The following PROZ variants were observed in gnomAD, a reference collection of about 807,000 sequenced individuals.
PROZ encodes the protein vitamin K-dependent protein Z.
Under a neutral mutation model 34.9 loss-of-function variants are expected in PROZ, and 46 were observed. The observed-to-expected ratio is 1.32, with a 90% CI of 1.04 to 1.69. The LOEUF (loss-of-function observed/expected upper bound fraction) is 1.69, where lower values mean the gene tolerates loss of function less well. Ranked by LOEUF, PROZ falls within the 40% of genes most tolerant of loss-of-function variation. PROZ has a pLI of 0.00. For synonymous variants in PROZ, 195 were observed against 208.5 expected (o/e 0.94, Z 0.56); for missense variants, 530 against 520.4 (o/e 1.02, Z -0.18).
intron 6 of PROZ, among the ~76,000 whole-genome samples, chr13:113,167,796 G>A (rs1015909210): frequency 3.3e-5 from 5 of 149,488 alleles, no homozygotes; most frequent in African/African-American, 4.9e-5. Flanking sequence ...TGTAATTGTC[G>A]ATATGTTTAC....
chr13:113,159,357 C>T lies in PROZ; in HGVS notation c.70+627C>T, dbSNP rs2036720974. ...TGAGAGGGTGATCCCCCCGCCCTGCCCTGCCCAGCACTTACCGTAGCCGGA... is the reference window on the plus strand; with the variant it reads ...TGAGAGGGTGATCCCCCCGCCCTGCTCTGCCCAGCACTTACCGTAGCCGGA... On this transcript the variant is annotated intron_variant, in intron 1 of 7. Coordinates refer to ENST00000375547, the MANE Select transcript of PROZ (RefSeq NM_003891.3). This position sits in a 1 kb window ranked among gnomAD's most constrained non-coding sequence, Gnocchi z 4.6. The T allele has an allele frequency of 6.7e-6, 9 of 1,338,824 alleles. No individual in the cohort carries two copies. The Admixed American group carries it at 1.8e-4, about 27-fold the overall frequency. The allele number at this position is 1,338,824 out of a possible 1,614,324, so 82.9% of individuals were successfully genotyped here.
At position 113,163,494 on chromosome 13, in the gene PROZ, G is replaced by A. The variant is rs140438150; in HGVS notation, c.373+372G>A. ...TGCAGACAGGGAAGACGCAAAGCAC[G>A]TAAACAAATATCCTTAAATACCCGC... On this transcript the variant is annotated intron_variant, in intron 4 of 7. Coordinates refer to ENST00000375547, the MANE Select transcript of PROZ (RefSeq NM_003891.3). Among the ~76,000 whole-genome samples the A allele has an allele frequency of 1.1e-4, 16 of 152,268 alleles. No individual in the cohort carries two copies. In the East Asian group the frequency reaches 2.5e-3, roughly 24 times the overall value.
intron 6 of PROZ, among the ~76,000 whole-genome samples, chr13:113,166,636 G>A (rs963997361): frequency 7.2e-5 from 11 of 152,230 alleles, no homozygotes; most frequent in African/African-American, 2.7e-4. Context: ...GGAAGGCGGG[G>A]ATGGAAGCGG....
At chr13:113,168,275 A>G (rs511022) in intron 6 of PROZ, among the ~76,000 whole-genome samples, 140,141 of 152,218 alleles carry the variant, frequency 0.92, 65,601 homozygotes, top group East Asian at 1. Context: ...GCTTTGTGTA[A>G]ATCCAGGCCT....
rs1488281203 is a variant in PROZ, at chr13:113,159,914, C to CGGGGCT, written c.71-91_71-86dup. 29 of 1,432,118 alleles carry CGGGGCT rather than the reference C, an allele frequency of 2.0e-5. No individual in the cohort carries two copies. In the African/African-American group the frequency reaches 2.4e-4, roughly 12 times the overall value. The allele number at this position is 1,432,118 out of a possible 1,614,324, so 88.7% of individuals were successfully genotyped here. ...CAGGCTGAGAGCCTGTGGAGACGGA[C>CGGGGCT]GGGGCTGGGGCTGGCGGCCGGCCGG... On this transcript the variant is annotated intron_variant, in intron 1 of 7. Transcript: ENST00000375547. The surrounding 1 kb of genome is among the most constrained non-coding windows in gnomAD (Gnocchi z 4.6).
intron 6 of PROZ, among the ~76,000 whole-genome samples, chr13:113,165,674 G>C (rs1248213342): frequency 3.3e-5 from 5 of 152,158 alleles, no homozygotes; most frequent in Non-Finnish European, 7.3e-5. Context: ...GGGATTACAG[G>C]AATGTGCCAC....
At position 113,158,974 on chromosome 13, in the gene PROZ, G is replaced by C. The variant is rs2036710195; in HGVS notation, c.70+244G>C. On this transcript the variant is annotated intron_variant, in intron 1 of 7. Coordinates refer to ENST00000375547, the MANE Select transcript of PROZ (RefSeq NM_003891.3). This position sits in a 1 kb window ranked among gnomAD's most constrained non-coding sequence, Gnocchi z 4.3. ...AATGGAAAGAAGCCTGTGTGCAGGG[G>C]ATTCAGCCGGGAAAGGCCGGGGAGA... Among the ~76,000 whole-genome samples the C allele has an allele frequency of 7.0e-6, 1 of 143,154 alleles. No individual in the cohort carries two copies. The highest frequency in any genetic ancestry group is 7.0e-5 in the Admixed American group (1 of 14,256). The allele number at this position is 143,154 out of a possible 152,430, so 93.9% of individuals were successfully genotyped here.
At chr13:113,161,049 C>T (rs1029195078) in intron 3 of PROZ, 77 bp downstream of exon 3, 8 of 1,299,226 alleles carry the variant, frequency 6.2e-6, no homozygotes, top group South Asian at 2.4e-5. Flanking sequence ...GGACGCTTCA[C>T]GACCCCAGCT....
Position 113,159,239 on chromosome 13 carries a change from T to C in PROZ, c.70+509T>C, listed in dbSNP as rs1343129799. The C allele has an allele frequency of 3.2e-6, 5 of 1,549,156 alleles. No individual in the cohort carries two copies. The highest frequency in any genetic ancestry group is 3.5e-6 in the Non-Finnish European group (4 of 1,145,442). On this transcript the variant is annotated intron_variant, in intron 1 of 7. Transcript: ENST00000375547. This position sits in a 1 kb window ranked among gnomAD's most constrained non-coding sequence, Gnocchi z 4.6. ...AACGACATGGACTCCATTCTGACTC[T>C]GCCTGCACAGGCGTCCAGGAAAGCT... is the stretch of plus-strand genomic sequence containing the variant.
rs753095291 is a variant in PROZ, at chr13:113,171,568, G to A, written c.692-26G>A. 3.7e-6 allele frequency: 6 copies of A among 1,613,752 alleles called. No homozygotes were observed. The highest frequency in any genetic ancestry group is 1.7e-5 in the Admixed American group (1 of 60,002). ...GTCCCCTTGAAAATCAGACTGTAAA[G>A]AACTGACGATTGTTCATGATTTCAG... On this transcript the variant is annotated intron_variant, in intron 7 of 7. Coordinates refer to ENST00000375547, the MANE Select transcript of PROZ (RefSeq NM_003891.3). This position sits in a 1 kb window ranked among gnomAD's most constrained non-coding sequence, Gnocchi z 5.1.
chr13:113,159,363 C>A lies in PROZ; in HGVS notation c.70+633C>A. On this transcript the variant is annotated intron_variant, in intron 1 of 7. Coordinates refer to ENST00000375547, the MANE Select transcript of PROZ (RefSeq NM_003891.3). The surrounding 1 kb of genome is among the most constrained non-coding windows in gnomAD (Gnocchi z 4.6). Reference sequence around the variant, plus strand: ...GGTGATCCCCCCGCCCTGCCCTGCCCAGCACTTACCGTAGCCGGACTTAGC... The same window carrying A: ...GGTGATCCCCCCGCCCTGCCCTGCCAAGCACTTACCGTAGCCGGACTTAGC... 7.8e-7 allele frequency: 1 copy of A among 1,284,728 alleles called. No individual in the cohort carries two copies. The highest frequency in any genetic ancestry group is 1.1e-6 in the Non-Finnish European group (1 of 912,368). The allele number at this position is 1,284,728 out of a possible 1,614,324, so 79.6% of individuals were successfully genotyped here.
chr13:113,164,526 T>A lies in PROZ; in HGVS notation c.387T>A (p.Cys129Ter). The change falls in exon 5 of 8, where the codon TGT becomes TGA. Residue 129 changes from cysteine to a stop codon, truncating the protein, a stop_gained. Transcript: ENST00000375547. LOFTEE classifies it high-confidence loss of function. ...TTTCCTTTTCAGCTAAAAATGAATG[T>A]CACCCAGAGCGGACTGATGGGTGTC... ...GSNCELAKNE[C>*]HPERTDGCQH... 5 of 1,613,322 alleles carry A rather than the reference T, an allele frequency of 3.1e-6. No homozygotes were observed. The highest frequency in any genetic ancestry group is 4.2e-6 in the Non-Finnish European group (5 of 1,179,940).
intron 4 of PROZ, among the ~76,000 whole-genome samples, chr13:113,164,256 G>A (rs906475150): frequency 3.8e-4 from 58 of 152,178 alleles, no homozygotes; most frequent in Non-Finnish European, 5.7e-4. Flanking sequence ...GGGATTACAG[G>A]CATGAGCCAC....
chr13:113,164,391 AG>A, intron 4 of PROZ, 121 bp from the exon 5 acceptor site: 1 of 1,129,942 alleles, frequency 8.9e-7, no homozygotes, highest in South Asian at 1.3e-5. Flanking sequence ...CCAACACACC[AG>A]AACTCTTGTG....
Position 113,159,212 on chromosome 13 carries a change from G to A in PROZ, c.70+482G>A. 1 of 1,546,434 alleles carries A rather than the reference G, an allele frequency of 6.5e-7. No homozygotes were observed. The highest frequency in any genetic ancestry group is 8.7e-7 in the Non-Finnish European group (1 of 1,142,962). On this transcript the variant is annotated intron_variant, in intron 1 of 7. Transcript: ENST00000375547. The surrounding 1 kb of genome is among the most constrained non-coding windows in gnomAD (Gnocchi z 4.6). ...TTCTACCACCAGCCACTTCACTGAA[G>A]GAACGACATGGACTCCATTCTGACT...
In PROZ at chr13:113,172,335, A is replaced by C. The variant is rs925289832; in HGVS notation, c.*230A>C. 18 of 583,294 alleles carry C rather than the reference A, an allele frequency of 3.1e-5. No individual in the cohort carries two copies. Among genetic ancestry groups the C allele is most frequent in the Non-Finnish European group, 4.9e-5 (16 of 328,894 alleles). The allele number at this position is 583,294 out of a possible 1,614,324, so 36.1% of individuals were successfully genotyped here. On this transcript the variant is annotated 3_prime_UTR_variant, in exon 8 of 8. Coordinates refer to ENST00000375547, the MANE Select transcript of PROZ (RefSeq NM_003891.3). ...TATCTCAATAGAGACCTTAAAAGAA[A>C]ACATGAGATACGTTAAATAATAAAA...
At chr13:113,163,167 G>A (rs2036796500) in intron 4 of PROZ, 45 bp downstream of exon 4, 16 of 1,456,362 alleles carry the variant, frequency 1.1e-5, no homozygotes, top group Non-Finnish European at 1.4e-5. Context: ...TCCCTGGGCA[G>A]GTGGGCCTCA....
rs958376368 is a variant in PROZ, at chr13:113,161,357, C to T, written c.259+385C>T. ...CTCAAATTTTGGAAAGTCATGGCCC[C>T]GATGGAGACTTTGGTTAGGAGACTC... On this transcript the variant is annotated intron_variant, in intron 3 of 7. Coordinates refer to ENST00000375547, the MANE Select transcript of PROZ (RefSeq NM_003891.3). 3.9e-5 allele frequency among the ~76,000 whole-genome samples: 6 copies of T among 152,078 alleles called. No individual in the cohort carries two copies. In the South Asian group the frequency reaches 6.2e-4, roughly 16 times the overall value.
At chr13:113,162,984 C>G (rs1167760795) in intron 3 of PROZ, 25 bp from the exon 4 acceptor site, 2 of 1,504,546 alleles carry the variant, frequency 1.3e-6, no homozygotes, top group Non-Finnish European at 1.8e-6. Flanking sequence ...TCACCACCAC[C>G]CCAACCCCCA....
Sources: gnomAD v4.1 joint callset for allele counts (sites outside exome capture counted in the v4.1 genomes callset) on GRCh38, gnomAD v4.1.1 for gene constraint, Gnocchi (gnomAD v3.1) non-coding constraint, MANE v1.5 for transcripts, NCBI Gene and HGNC (gene_info 2026-07-23, HGNC 2026-07-21) for gene names.